ANKRD45: variants seen among roughly 807,000 people sequenced by gnomAD.
The protein encoded by ANKRD45 is ankyrin repeat domain-containing protein 45.
Under a neutral mutation model 28.1 loss-of-function variants are expected in ANKRD45, and 21 were observed. The observed-to-expected ratio is 0.75, with a 90% CI of 0.53 to 1.08. The LOEUF (loss-of-function observed/expected upper bound fraction) is 1.08. Ranked by LOEUF, ANKRD45 falls within the 50% of genes least tolerant of loss-of-function variation. The probability of loss-of-function intolerance (pLI) is 0.00; values close to 1 mark genes in which losing one functional copy is unlikely to be tolerated. For missense variants in ANKRD45, 261 were observed against 308.7 expected (o/e 0.85, Z 1.16); for synonymous variants, 86 against 103.9 (o/e 0.83, Z 1.05).
upstream of ANKRD45, among the ~76,000 whole-genome samples, chr1:173,670,014 G>C (rs527863894): frequency 2.0e-5 from 3 of 152,096 alleles, no homozygotes; most frequent in Non-Finnish European, 4.4e-5. Flanking sequence ...TCTTTGTTTT[G>C]TAAATTTTCT....
At chr1:173,680,002 C>T in the ANKRD45 span, among the ~76,000 whole-genome samples, 2 of 152,302 alleles carry the variant, frequency 1.3e-5, no homozygotes, top group Admixed American at 1.3e-4. Context: ...CTGTCTCGCA[C>T]CAGTTAGAAT....
chr1:173,699,868 A>G, the ANKRD45 span, among the ~76,000 whole-genome samples: 11 of 152,356 alleles, frequency 7.2e-5, no homozygotes, highest in Middle Eastern at 3.4e-3. Context: ...TTAGGAAAAG[A>G]GGAAGTCAAA....
At chr1:173,657,881 A>G (rs941671040) in intron 2 of ANKRD45, 5 of 150,792 alleles carry the variant, frequency 3.3e-5, no homozygotes, top group African/African-American at 1.2e-4. Flanking sequence ...TGTTTACTAA[A>G]TTTTTTATGT....
chr1:173,709,338 G>C, the ANKRD45 span, among the ~76,000 whole-genome samples: 1 of 152,172 alleles, frequency 6.6e-6, no homozygotes, highest in Non-Finnish European at 1.5e-5. Context: ...GCCATACAAG[G>C]CTTCTCACAG....
intron 2 of ANKRD45, among the ~76,000 whole-genome samples, chr1:173,650,629 G>A (rs764503473): frequency 6.6e-6 from 1 of 152,158 alleles, no homozygotes; most frequent in Non-Finnish European, 1.5e-5. Flanking sequence ...TAATGGGATG[G>A]CTGGGTCAAA....
At chr1:173,644,722 T>C (rs1490526165) in intron 3 of ANKRD45, among the ~76,000 whole-genome samples, 1 of 152,050 alleles carries the variant, frequency 6.6e-6, no homozygotes, top group African/African-American at 2.4e-5. Context: ...GGGCTGGGCA[T>C]GGTGGCTCAT....
intron 3 of ANKRD45, among the ~76,000 whole-genome samples, chr1:173,642,624 T>C (rs1277600988): frequency 1.3e-5 from 2 of 152,236 alleles, no homozygotes; most frequent in African/African-American, 2.4e-5. Context: ...TAGCTCCACA[T>C]TTTAGCCTAG....
chr1:173,618,858 G>A (rs2102317191), intron 5 of ANKRD45, among the ~76,000 whole-genome samples: 1 of 152,220 alleles, frequency 6.6e-6, no homozygotes, highest in South Asian at 2.1e-4. Flanking sequence ...AGGTCAAAAT[G>A]AAAGAAAAAA....
intron 3 of ANKRD45, among the ~76,000 whole-genome samples, chr1:173,634,855 C>T (rs946164126): frequency 2.0e-5 from 3 of 151,880 alleles, no homozygotes; most frequent in Non-Finnish European, 2.9e-5. Flanking sequence ...ACCCCTCACC[C>T]ACTACCTGAT....
upstream of ANKRD45, among the ~76,000 whole-genome samples, chr1:173,670,703 A>G (rs1031312623): frequency 1.3e-5 from 2 of 152,212 alleles, no homozygotes; most frequent in African/African-American, 4.8e-5. Flanking sequence ...GGCGACCATC[A>G]GGTGATAGGC....
chr1:173,609,392 T>A lies in ANKRD45; in HGVS notation c.*753A>T, dbSNP rs1667050812. On this transcript the variant is annotated 3_prime_UTR_variant, in exon 6 of 6. Coordinates refer to ENST00000333279, the MANE Select transcript of ANKRD45 (RefSeq NM_198493.3). ...CATAAAGTCACAACGTAAGAGAAGG[T>A]TGAGGCGCCTGATTAAATAAATTAG... is the stretch of plus-strand genomic sequence containing the variant. Among the ~76,000 whole-genome samples the A allele has an allele frequency of 1.3e-5, 2 of 152,160 alleles. 1 individual carries two copies. The highest frequency in any genetic ancestry group is 4.1e-4 in the South Asian group (2 of 4,826).
chr1:173,667,728 G>T (rs1476015573), intron 1 of ANKRD45: 1 of 432,404 alleles, frequency 2.3e-6, no homozygotes, highest in Non-Finnish European at 4.6e-6. Flanking sequence ...GAAAGAAAAA[G>T]AAACTACCAC....
intron 5 of ANKRD45, among the ~76,000 whole-genome samples, chr1:173,615,383 C>CAAAAAA (rs60479508): frequency 1.1e-5 from 1 of 87,658 alleles, no homozygotes; most frequent in South Asian, 4.2e-4. Context: ...GACTCCGTCT[C>CAAAAAA]AAAAAAAAAA....
At chr1:173,672,499 T>A (rs1184487768), upstream of ANKRD45, among the ~76,000 whole-genome samples, 4 of 152,216 alleles carry the variant, frequency 2.6e-5, no homozygotes, top group Non-Finnish European at 5.9e-5. Context: ...ATATGAAGAA[T>A]TCCCAAATAG....
chr1:173,679,051 A>G, the ANKRD45 span, among the ~76,000 whole-genome samples: 1 of 152,226 alleles, frequency 6.6e-6, no homozygotes, highest in African/African-American at 2.4e-5. Context: ...ATAAGAGGAC[A>G]CAAACAAATG....
chr1:173,665,589 A>T (rs770540973), intron 1 of ANKRD45, among the ~76,000 whole-genome samples: 3 of 152,318 alleles, frequency 2.0e-5, no homozygotes, highest in Non-Finnish European at 1.5e-5. Context: ...TCAGCCCAGA[A>T]CCAACATAAT....
chr1:173,628,881 G>A (rs1176167045), intron 3 of ANKRD45, among the ~76,000 whole-genome samples: 1 of 152,238 alleles, frequency 6.6e-6, no homozygotes, highest in Non-Finnish European at 1.5e-5. Context: ...TAGTGGTGGT[G>A]GCCACAGGGG....
the ANKRD45 span, among the ~76,000 whole-genome samples, chr1:173,684,226 T>A: frequency 6.6e-6 from 1 of 152,092 alleles, no homozygotes; most frequent in Non-Finnish European, 1.5e-5. Context: ...GAAGTTAAAT[T>A]TAAAAGTAGA....
intron 1 of ANKRD45, among the ~76,000 whole-genome samples, chr1:173,660,717 G>T (rs1257401042): frequency 2.0e-5 from 3 of 152,218 alleles, no homozygotes; most frequent in Non-Finnish European, 4.4e-5. Flanking sequence ...TCAACAGCCA[G>T]TAAGAATCAA....
Sources: allele counts gnomAD v4.1 joint callset (sites outside exome capture counted in the v4.1 genomes callset), GRCh38; gene constraint gnomAD v4.1.1; transcripts MANE v1.5; gene names NCBI Gene and HGNC (gene_info 2026-07-23, HGNC 2026-07-21).